The following SPOCK1 variants were observed in gnomAD, a reference collection of about 807,000 sequenced individuals.
The protein encoded by SPOCK1 is testican-1.
SPOCK1 carries 23 observed loss-of-function variants against 55.3 expected under a neutral mutation model. That is an observed-to-expected ratio of 0.42 (90% CI 0.30 to 0.59). The LOEUF is 0.59. Among genes scored for constraint, SPOCK1 ranks in the 20% least tolerant of loss-of-function variants. SPOCK1 has a pLI of 0.22. For missense variants in SPOCK1, 499 were observed against 552.5 expected, an observed-to-expected ratio of 0.90 and a Z score of 0.97; for synonymous variants, 226 against 221.0, an observed-to-expected ratio of 1.02 and a Z score of -0.20.
chr5:137,006,237 T>C (rs1352386562), intron 6 of SPOCK1, among the ~76,000 whole-genome samples: 1 of 152,242 alleles, frequency 6.6e-6, no homozygotes, highest in Non-Finnish European at 1.5e-5. Context: ...TCTAATTCTG[T>C]GAAGAAAGTC....
intron 3 of SPOCK1, among the ~76,000 whole-genome samples, chr5:137,215,926 A>G (rs1337210302): frequency 6.6e-6 from 1 of 152,244 alleles, no homozygotes; most frequent in African/African-American, 2.4e-5. Context: ...TAAAGAGATC[A>G]GTGGCTGGCC....
intron 2 of SPOCK1, among the ~76,000 whole-genome samples, chr5:137,447,684 G>A (rs889233438): frequency 4.6e-5 from 7 of 151,912 alleles, no homozygotes; most frequent in Admixed American, 3.3e-4. Context: ...AGTGGGGAAC[G>A]CCTCCCTAAA....
At chr5:137,228,392 G>C (rs2127092063) in intron 3 of SPOCK1, among the ~76,000 whole-genome samples, 1 of 152,346 alleles carries the variant, frequency 6.6e-6, no homozygotes. Context: ...TGTAATGCTA[G>C]CACTTTGGGA....
chr5:136,978,838 T>C lies in SPOCK1; in HGVS notation c.1136A>G (p.Glu379Gly). 1 of 1,607,986 alleles carries C rather than the reference T, an allele frequency of 6.2e-7. No homozygotes were observed. The highest frequency in any genetic ancestry group is 8.5e-7 in the Non-Finnish European group (1 of 1,177,562). The change falls in exon 11 of 11, where the codon GAG becomes GGG. Residue 379 changes from glutamate to glycine, a missense_variant. By Grantham distance (98) the Glu-to-Gly change is moderately conservative. Coordinates refer to ENST00000394945, the MANE Select transcript of SPOCK1 (RefSeq NM_004598.4). ...GCCAAAATCCCCTGAGGTTTCCTGC[T>C]CCTCTTCTGAAAGATTAAAAAAAGC... ...RKQGAVSCEEEQETSGDFGSG... is the reference protein window; with the variant it reads ...RKQGAVSCEEGQETSGDFGSG...
chr5:137,253,180 C>A lies in SPOCK1; in HGVS notation c.232+13830G>T, dbSNP rs376808974. 2.0e-5 allele frequency among the ~76,000 whole-genome samples: 3 copies of A among 152,184 alleles called. No homozygotes were observed. The East Asian group carries it at 5.8e-4, about 29-fold the overall frequency. The stretch of plus-strand genomic sequence containing the variant: ...GGCACCAACATCATTTATTCCCCTG[C>A]TTTTCTTACCAAAGACAATAGAATT... On this transcript the variant is annotated intron_variant, in intron 3 of 10. Coordinates refer to ENST00000394945, the MANE Select transcript of SPOCK1 (RefSeq NM_004598.4).
At chr5:137,373,153 TA>T (rs1751236911) in intron 2 of SPOCK1, among the ~76,000 whole-genome samples, 1 of 152,210 alleles carries the variant, frequency 6.6e-6, no homozygotes, top group Non-Finnish European at 1.5e-5. Flanking sequence ...TATGAGTTTC[TA>T]TTCATTGTAA....
At chr5:137,073,002 C>T (rs142516952) in intron 5 of SPOCK1, among the ~76,000 whole-genome samples, 23 of 152,280 alleles carry the variant, frequency 1.5e-4, no homozygotes, top group African/African-American at 4.6e-4. Context: ...TCCTGGCTGA[C>T]GGGAGAATAA....
intron 3 of SPOCK1, among the ~76,000 whole-genome samples, chr5:137,181,242 G>T (rs898325989): frequency 1.9e-4 from 29 of 152,230 alleles, no homozygotes; most frequent in Non-Finnish European, 3.8e-4. Context: ...GGAGAGGAAG[G>T]TGGAGGGGTG....
At chr5:137,411,080 G>A (rs975134172) in intron 2 of SPOCK1, among the ~76,000 whole-genome samples, 38 of 152,246 alleles carry the variant, frequency 2.5e-4, no homozygotes, top group African/African-American at 8.4e-4. Context: ...ACCCTCTTAC[G>A]GACCGGGCAC....
intron 4 of SPOCK1, among the ~76,000 whole-genome samples, chr5:137,140,160 C>G (rs758479610): frequency 3.3e-5 from 5 of 152,154 alleles, no homozygotes; most frequent in Non-Finnish European, 7.3e-5. Context: ...AAGCAGAGAG[C>G]CCTTGGGCCT....
In SPOCK1 at chr5:137,218,315, C is replaced by T. The variant is rs184888126; in HGVS notation, c.232+48695G>A. ...AAAGGACAGTGCCTTTTCTAACTGA[C>T]CAGAGAGAAATAATAGAAGGTATAC... On this transcript the variant is annotated intron_variant, in intron 3 of 10. Transcript: ENST00000394945. Among the ~76,000 whole-genome samples the T allele has an allele frequency of 3.3e-5, 5 of 152,246 alleles. No homozygotes were observed. In the East Asian group the frequency reaches 9.6e-4, roughly 29 times the overall value.
intron 6 of SPOCK1, among the ~76,000 whole-genome samples, chr5:137,038,763 A>G (rs2126989988): frequency 6.6e-6 from 1 of 152,324 alleles, no homozygotes; most frequent in South Asian, 2.1e-4. Flanking sequence ...CTAAGCAATT[A>G]ATAATCACAA....
At chr5:137,059,917 A>G (rs111377913) in intron 6 of SPOCK1, among the ~76,000 whole-genome samples, 1,870 of 152,354 alleles carry the variant, frequency 0.012, 38 homozygotes, top group African/African-American at 0.043. Flanking sequence ...CACATGATTC[A>G]GAATGGCTAT....
chr5:137,367,755 G>A (rs533863844), intron 2 of SPOCK1, among the ~76,000 whole-genome samples: 5 of 152,298 alleles, frequency 3.3e-5, no homozygotes, highest in South Asian at 4.1e-4. Context: ...TCTCTTTCAC[G>A]TTGGAACCAA....
intron 2 of SPOCK1, among the ~76,000 whole-genome samples, chr5:137,291,820 T>A (rs1318730009): frequency 6.6e-6 from 1 of 152,214 alleles, no homozygotes; most frequent in Non-Finnish European, 1.5e-5. Context: ...CCAGCCAGGC[T>A]GGCCACTGTG....
intron 2 of SPOCK1, among the ~76,000 whole-genome samples, chr5:137,393,961 T>A (rs1238339465): frequency 6.6e-6 from 1 of 152,020 alleles, no homozygotes; most frequent in East Asian, 1.9e-4. Context: ...TTTCAATAAG[T>A]ATTTTCTATT....
chr5:137,324,973 AAAT>A (rs1055604891), intron 2 of SPOCK1, among the ~76,000 whole-genome samples: 1 of 151,994 alleles, frequency 6.6e-6, no homozygotes, highest in Non-Finnish European at 1.5e-5. Flanking sequence ...AAAAAAAAAA[AAAT>A]GAGGGGTTTG....
intron 5 of SPOCK1, among the ~76,000 whole-genome samples, chr5:137,075,051 C>T (rs1752728518): frequency 2.0e-5 from 3 of 152,024 alleles, no homozygotes; most frequent in Admixed American, 1.3e-4. Context: ...GTTGGCCAGG[C>T]TGTTTTCGAA....
chr5:137,061,081 C>A (rs1484742953), intron 6 of SPOCK1, among the ~76,000 whole-genome samples: 1 of 152,218 alleles, frequency 6.6e-6, no homozygotes, highest in Non-Finnish European at 1.5e-5. Context: ...GTGAATGAAG[C>A]TGAATATGTA....
Sources: allele counts gnomAD v4.1 joint callset (sites outside exome capture counted in the v4.1 genomes callset), GRCh38; gene constraint gnomAD v4.1.1; transcripts MANE v1.5; gene names NCBI Gene and HGNC (gene_info 2026-07-23, HGNC 2026-07-21).